HBS1L: variants seen among roughly 807,000 people sequenced by gnomAD.
HBS1L encodes the protein HBS1-like protein.
HBS1L carries 55 observed loss-of-function variants against 88.9 expected under a neutral mutation model. That is an observed-to-expected ratio of 0.62 (90% CI 0.50 to 0.77). The LOEUF (loss-of-function observed/expected upper bound fraction) is 0.77. Ranked by LOEUF, HBS1L falls within the 30% of genes least tolerant of loss-of-function variation. HBS1L has a pLI of 0.00. For synonymous variants in HBS1L, 267 were observed against 288.5 expected (o/e 0.93, Z 0.76); for missense variants, 741 against 829.3 (o/e 0.89, Z 1.31).
rs1774225871 is a variant in HBS1L, at chr6:134,963,231, A to G, written c.*2048T>C. The G allele has an allele frequency of 6.6e-6, 1 of 152,074 alleles. No homozygotes were observed. Among genetic ancestry groups the G allele is most frequent in the Non-Finnish European group, 1.5e-5 (1 of 68,014 alleles). The allele number at this position is 152,074 out of a possible 1,614,324, so 9.4% of individuals were successfully genotyped here. A position where few individuals can be genotyped will look rare whatever the true frequency, so the allele number is the denominator to read the frequency against. ...ATGCTTTGTGTGATATTAACTTCAC[A>G]CTCAAACACAGGATATCCTAGGGAA... On this transcript the variant is annotated 3_prime_UTR_variant, in exon 18 of 18. Coordinates refer to ENST00000367837, the MANE Select transcript of HBS1L (RefSeq NM_006620.4).
chr6:134,975,546 T>C lies in HBS1L; in HGVS notation c.1797+3133A>G, dbSNP rs75061448. On this transcript the variant is annotated intron_variant, in intron 15 of 17. Coordinates refer to ENST00000367837, the MANE Select transcript of HBS1L (RefSeq NM_006620.4). ...AATAACCAAAACAGCATGGTACTAG[T>C]ATAAAGGTAGATTCATAGACCAATG... Among the ~76,000 whole-genome samples the C allele has an allele frequency of 7.4e-3, 1,126 of 152,168 alleles. 4 individuals carry two copies. The highest frequency in any genetic ancestry group is 0.017 in the Middle Eastern group (5 of 294).
At chr6:135,014,827 G>A (rs1004106730) in intron 4 of HBS1L, among the ~76,000 whole-genome samples, 6 of 140,044 alleles carry the variant, frequency 4.3e-5, no homozygotes, top group Non-Finnish European at 9.1e-5. Flanking sequence ...GACCAGCCTG[G>A]GCAACACGGA....
intron 15 of HBS1L, among the ~76,000 whole-genome samples, chr6:134,976,962 C>A (rs928002983): frequency 1.3e-5 from 2 of 151,990 alleles, no homozygotes; most frequent in African/African-American, 4.8e-5. Flanking sequence ...CCAAAAGCTA[C>A]TGAAATAGAG....
At chr6:134,978,630 T>C in intron 15 of HBS1L, 49 bp downstream of exon 15, 2 of 1,025,924 alleles carry the variant, frequency 1.9e-6, no homozygotes, top group Non-Finnish European at 2.9e-6. Flanking sequence ...TAGGATAAAG[T>C]TACTTTGAAT....
intron 4 of HBS1L, among the ~76,000 whole-genome samples, chr6:135,013,751 T>C (rs566907683): frequency 6.6e-6 from 1 of 152,212 alleles, no homozygotes; most frequent in South Asian, 2.1e-4. Flanking sequence ...CAGACCTTCA[T>C]ATCCTTGGGT....
At chr6:135,030,351 G>C (rs1291868196) in intron 4 of HBS1L, among the ~76,000 whole-genome samples, 1 of 151,200 alleles carries the variant, frequency 6.6e-6, no homozygotes, top group East Asian at 1.9e-4. Context: ...CCATGATTGA[G>C]AGTAAAGTGA....
chr6:135,012,097 A>T (rs1451809314), intron 4 of HBS1L, among the ~76,000 whole-genome samples: 1 of 152,122 alleles, frequency 6.6e-6, no homozygotes, highest in Non-Finnish European at 1.5e-5. Context: ...CATTAACACT[A>T]ATGTGCAACA....
chr6:134,971,101 A>T (rs1774469790), intron 15 of HBS1L, among the ~76,000 whole-genome samples: 2 of 117,754 alleles, frequency 1.7e-5, no homozygotes, highest in Non-Finnish European at 3.8e-5. Context: ...CAACTCATTC[A>T]ATTAAAAAAA....
intron 4 of HBS1L, chr6:135,037,214 G>A: frequency 6.4e-7 from 1 of 1,551,802 alleles, no homozygotes; most frequent in Non-Finnish European, 8.7e-7. Context: ...AATTGTGACA[G>A]GGGAAAGGAT....
At chr6:135,015,887 T>A (rs1426365225) in intron 4 of HBS1L, among the ~76,000 whole-genome samples, 1 of 147,946 alleles carries the variant, frequency 6.8e-6, no homozygotes, top group Non-Finnish European at 1.5e-5. Flanking sequence ...CCAGCCTTTT[T>A]TTTTTTTTTT....
At chr6:134,986,693 G>T in intron 10 of HBS1L, 43 bp downstream of exon 10, 2 of 1,029,922 alleles carry the variant, frequency 1.9e-6, no homozygotes, top group South Asian at 1.7e-5. Flanking sequence ...CCAGTAAGAT[G>T]ACTTAAGGAA....
In HBS1L at chr6:134,989,326, C is replaced by T. The variant is rs181840412; in HGVS notation, c.1084-1535G>A. On this transcript the variant is annotated intron_variant, in intron 8 of 17. Transcript: ENST00000367837. ...CTGTTTGTCATAGAAATCCACTTTT[C>T]TGAAATCCAGGAAACAAAGACTACA... 2.7e-3 allele frequency among the ~76,000 whole-genome samples: 414 copies of T among 152,222 alleles called. 17 individuals carry two copies. Among genetic ancestry groups the T allele is most frequent in the Admixed American group, 0.027 (412 of 15,284 alleles).
chr6:135,039,701 AATATTT>A lies in HBS1L; in HGVS notation c.296_301del (p.Glu99_Leu101delinsVal). 6.2e-7 allele frequency: 1 copy of A among 1,614,064 alleles called. No homozygotes were observed. ...CTTGTTCTTCAGAACTGCTTCAATT[AATATTT>A]CATCTGGCACAGCATCTCCAAGTAC... is the stretch of plus-strand genomic sequence containing the variant. On this transcript the variant is annotated inframe_deletion, in exon 4 of 18. Transcript: ENST00000367837.
At chr6:135,006,312 C>T (rs1342704490) in intron 4 of HBS1L, among the ~76,000 whole-genome samples, 1 of 152,100 alleles carries the variant, frequency 6.6e-6, no homozygotes, top group African/African-American at 2.4e-5. Flanking sequence ...AGAGGTAAAG[C>T]TCACGGGAAA....
At chr6:135,042,149 A>G (rs1186012703) in intron 2 of HBS1L, 23 bp from the exon 3 acceptor site, 1 of 1,607,342 alleles carries the variant, frequency 6.2e-7, no homozygotes, top group Non-Finnish European at 8.5e-7. Context: ...ATGATCAAAG[A>G]ATGCTATGGT....
intron 5 of HBS1L, among the ~76,000 whole-genome samples, chr6:134,999,448 CT>C (rs35807723): frequency 5.5e-4 from 68 of 124,744 alleles, no homozygotes; most frequent in Middle Eastern, 4.3e-3. Flanking sequence ...TTTTTCTTTT[CT>C]TTTTTTTTTT....
At chr6:134,981,669 C>T (rs1774834793) in intron 13 of HBS1L, among the ~76,000 whole-genome samples, 2 of 151,608 alleles carry the variant, frequency 1.3e-5, no homozygotes, top group African/African-American at 4.8e-5. Flanking sequence ...AAAATGGTTA[C>T]AAATAATATT....
chr6:134,999,554 TCTC>T (rs1775390606), intron 5 of HBS1L, among the ~76,000 whole-genome samples: 1 of 149,210 alleles, frequency 6.7e-6, no homozygotes, highest in Admixed American at 6.8e-5. Flanking sequence ...TTCCAGCAAT[TCTC>T]CTGCCTCAGC....
chr6:135,037,454 C>G (rs1035378073), intron 4 of HBS1L: 2 of 1,549,446 alleles, frequency 1.3e-6, no homozygotes, highest in Admixed American at 2.0e-5. Context: ...AAATTATCAA[C>G]AGTCATATTT....
Sources: gnomAD v4.1 joint callset for allele counts (sites outside exome capture counted in the v4.1 genomes callset) on GRCh38, gnomAD v4.1.1 for gene constraint, MANE v1.5 for transcripts, NCBI Gene and HGNC (gene_info 2026-07-23, HGNC 2026-07-21) for gene names.